The following ARHGAP42 variants were observed in gnomAD, a reference collection of about 807,000 sequenced individuals.
The protein encoded by ARHGAP42 is Rho GTPase activating protein 42, also known as rho GTPase-activating protein 42.
In ARHGAP42, 63 loss-of-function variants were observed where a neutral mutation model predicts 125.0. That is an observed-to-expected ratio of 0.50 (90% CI 0.41 to 0.62). The LOEUF is 0.62. Among genes scored for constraint, ARHGAP42 ranks in the 20% least tolerant of loss-of-function variants. The pLI, the probability that ARHGAP42 is intolerant of heterozygous loss-of-function variation, is 0.00. For synonymous variants in ARHGAP42, 339 were observed against 351.0 expected (o/e 0.97, Z 0.38); for missense variants, 766 against 1,024.2 (o/e 0.75, Z 3.44).
chr11:100,963,718 A>G (rs566814371), intron 16 of ARHGAP42, among the ~76,000 whole-genome samples: 1 of 152,360 alleles, frequency 6.6e-6, no homozygotes, highest in African/African-American at 2.4e-5. Flanking sequence ...GAAAAAATAT[A>G]TAATCTGACC....
rs1591166657 is a variant in ARHGAP42, at chr11:100,770,406, G to A, written c.218G>A (p.Gly73Asp). The A allele has an allele frequency of 6.4e-7, 1 of 1,550,638 alleles. No individual in the cohort carries two copies. The stretch of plus-strand genomic sequence containing the variant: ...CAAGATTTCCAGTTTGAATGTATTG[G>A]TGATGCTGAAACAGATGATGAAATT... ...SLQDFQFECI[G>D]DAETDDEISI... Residue 73 changes from glycine to aspartate, a missense_variant, in exon 2 of 24, where the codon GGT becomes GAT. Gly to Asp is a moderately conservative substitution (Grantham distance 94). Coordinates refer to ENST00000298815, the MANE Select transcript of ARHGAP42 (RefSeq NM_152432.4).
chr11:100,788,700 A>G (rs1213293819), intron 2 of ARHGAP42, among the ~76,000 whole-genome samples: 2 of 152,170 alleles, frequency 1.3e-5, no homozygotes, highest in African/African-American at 4.8e-5. Flanking sequence ...GCTACCAAAG[A>G]CACCAAGTAT....
At chr11:100,825,785 G>A (rs1355442407) in intron 3 of ARHGAP42, among the ~76,000 whole-genome samples, 1 of 152,160 alleles carries the variant, frequency 6.6e-6, no homozygotes, top group Non-Finnish European at 1.5e-5. Context: ...GTGTGGGCAT[G>A]TACCCACATT....
intron 4 of ARHGAP42, among the ~76,000 whole-genome samples, chr11:100,888,236 T>TAA (rs11455622): frequency 5.3e-4 from 79 of 147,982 alleles, no homozygotes; most frequent in African/African-American, 1.0e-3. Flanking sequence ...CCTTTCCTTT[T>TAA]AAAAAAAAAA....
At chr11:100,835,437 C>T (rs781692568) in intron 3 of ARHGAP42, among the ~76,000 whole-genome samples, 12 of 152,040 alleles carry the variant, frequency 7.9e-5, no homozygotes, top group African/African-American at 2.2e-4. Context: ...TGAGTTTTGT[C>T]GTGTTGTTTG....
chr11:100,751,031 C>T (rs1862438646), intron 1 of ARHGAP42, among the ~76,000 whole-genome samples: 1 of 151,184 alleles, frequency 6.6e-6, no homozygotes, highest in Non-Finnish European at 1.5e-5. Context: ...TTCTACCTCC[C>T]AGTTTCAAGT....
intron 17 of ARHGAP42, among the ~76,000 whole-genome samples, chr11:100,967,230 A>G (rs1307899309): frequency 6.6e-6 from 1 of 152,188 alleles, no homozygotes; most frequent in East Asian, 1.9e-4. Flanking sequence ...ATTTCCATTA[A>G]TTAACTCTGA....
chr11:100,759,634 A>G (rs897301332), intron 1 of ARHGAP42, among the ~76,000 whole-genome samples: 1 of 152,164 alleles, frequency 6.6e-6, no homozygotes, highest in African/African-American at 2.4e-5. Flanking sequence ...GTAGAGTACA[A>G]TAATGCAATA....
Position 100,989,164 on chromosome 11 carries a change from TG to T in ARHGAP42, c.*364del. 1 of 399,956 alleles carries T rather than the reference TG, an allele frequency of 2.5e-6. No individual in the cohort carries two copies. The highest frequency in any genetic ancestry group is 4.4e-6 in the Non-Finnish European group (1 of 226,768). 24.8% of individuals were successfully genotyped at this position (399,956 alleles called of 1,614,324 possible). A position where few individuals can be genotyped will look rare whatever the true frequency, so the allele number is the denominator to read the frequency against. On this transcript the variant is annotated 3_prime_UTR_variant, in exon 24 of 24. Coordinates refer to ENST00000298815, the MANE Select transcript of ARHGAP42 (RefSeq NM_152432.4). ...AATCTGCTATATGGATTTTGAGATC[TG>T]TCCTTTACTGCCTGGCATTCTCTGA...
At chr11:100,869,661 C>T (rs1865656277) in intron 4 of ARHGAP42, among the ~76,000 whole-genome samples, 1 of 152,066 alleles carries the variant, frequency 6.6e-6, no homozygotes, top group South Asian at 2.1e-4. Flanking sequence ...AATCAAGAAG[C>T]CATTCTATTG....
intron 6 of ARHGAP42, among the ~76,000 whole-genome samples, chr11:100,928,483 G>T (rs1867487506): frequency 6.6e-6 from 1 of 151,874 alleles, no homozygotes; most frequent in Non-Finnish European, 1.5e-5. Flanking sequence ...GCTACTTGGG[G>T]GCTGAGGTGG....
At position 100,936,290 on chromosome 11, in the gene ARHGAP42, A is replaced by G. The variant is rs759739984; in HGVS notation, c.790A>G (p.Ser264Gly). ...KSANQDYRPPSQWTMEGYLYV... is the reference protein window; with the variant it reads ...KSANQDYRPPGQWTMEGYLYV... ...TGCTAACCAGGACTACAGACCACCC[A>G]GCCAGTGGACGATGGAAGGCTATCT... The change falls in exon 8 of 24, where the codon AGC (serine) becomes GGC (glycine). Residue 264 changes from serine (S) to glycine (G), a missense_variant. This residue lies in a region of ARHGAP42 where 455 missense variants were observed against 636.5 expected (regional missense o/e 0.71). Transcript: ENST00000298815. The G allele has an allele frequency of 1.5e-5, 24 of 1,551,542 alleles. No individual in the cohort carries two copies. Among genetic ancestry groups the G allele is most frequent in the Non-Finnish European group, 2.0e-5 (23 of 1,146,926 alleles).
At chr11:100,924,526 G>A (rs1051794687) in intron 6 of ARHGAP42, among the ~76,000 whole-genome samples, 1 of 151,842 alleles carries the variant, frequency 6.6e-6, no homozygotes. Context: ...AATTAGCTGG[G>A]CATGGGGGTG....
chr11:100,800,744 A>G (rs1403668890), intron 3 of ARHGAP42, among the ~76,000 whole-genome samples: 3 of 152,036 alleles, frequency 2.0e-5, no homozygotes, highest in African/African-American at 7.3e-5. Context: ...CTGTTGTTTC[A>G]GAAAGGGTCT....
chr11:100,806,808 T>C (rs1864001610), intron 3 of ARHGAP42, among the ~76,000 whole-genome samples: 1 of 149,574 alleles, frequency 6.7e-6, no homozygotes, highest in Non-Finnish European at 1.5e-5. Context: ...TAAAATTCAT[T>C]TTTAAATTTT....
At position 100,941,800 on chromosome 11, in the gene ARHGAP42, A is replaced by G. The variant is rs1867894811; in HGVS notation, c.849A>G (p.Thr283=). ...TTACATTAGGACCGCTTGGTTTTACATGGATTAAACATTATTGTACATATG... is the reference window on the plus strand; with the variant it reads ...TTACATTAGGACCGCTTGGTTTTACGTGGATTAAACATTATTGTACATATG... ...YVQEKRPLGF[T]WIKHYCTYDK... The change falls in exon 9 of 24, where the codon ACA becomes ACG. Residue 283 remains threonine (T), a synonymous_variant. Coordinates refer to ENST00000298815, the MANE Select transcript of ARHGAP42 (RefSeq NM_152432.4). The G allele has an allele frequency of 3.3e-6, 5 of 1,519,962 alleles. No individual in the cohort carries two copies. Among genetic ancestry groups the G allele is most frequent in the Admixed American group, 2.4e-5 (1 of 41,522 alleles). 94.2% of individuals were successfully genotyped at this position (1,519,962 alleles called of 1,614,324 possible).
intron 1 of ARHGAP42, among the ~76,000 whole-genome samples, chr11:100,713,380 A>G (rs1337011597): frequency 6.6e-6 from 1 of 152,208 alleles, no homozygotes. Context: ...ACAGTCTTGT[A>G]AGATCTGCCA....
At chr11:100,816,423 A>G (rs1047306960) in intron 3 of ARHGAP42, among the ~76,000 whole-genome samples, 2 of 152,162 alleles carry the variant, frequency 1.3e-5, no homozygotes, top group Admixed American at 6.5e-5. Context: ...CTCTATATCC[A>G]TGAATTCACA....
At chr11:100,775,439 CA>C (rs1254910868) in intron 2 of ARHGAP42, among the ~76,000 whole-genome samples, 5 of 152,126 alleles carry the variant, frequency 3.3e-5, no homozygotes, top group Admixed American at 2.6e-4. Context: ...TATGTAAATA[CA>C]AAAACAATAC....
Sources: allele counts gnomAD v4.1 joint callset (sites outside exome capture counted in the v4.1 genomes callset), GRCh38; gene constraint gnomAD v4.1.1; regional missense constraint gnomAD v4.1.1; transcripts MANE v1.5; gene names NCBI Gene and HGNC (gene_info 2026-07-23, HGNC 2026-07-21).